KRT20: variants seen among roughly 807,000 people sequenced by gnomAD.
KRT20 encodes keratin, type I cytoskeletal 20.
In KRT20, 41 loss-of-function variants were observed where a neutral mutation model predicts 43.0. That is an observed-to-expected ratio of 0.95 (90% CI 0.74 to 1.24). KRT20 has a LOEUF of 1.24. KRT20 is among the 50% of genes most tolerant of loss of function. KRT20 has a pLI of 0.00. For missense variants in KRT20, 533 were observed against 521.2 expected, an observed-to-expected ratio of 1.02 and a Z score of -0.22; for synonymous variants, 207 against 200.6, an observed-to-expected ratio of 1.03 and a Z score of -0.27.
chr17:40,879,444 A>G (rs982614293), intron 5 of KRT20, among the ~76,000 whole-genome samples: 5 of 152,130 alleles, frequency 3.3e-5, no homozygotes, highest in African/African-American at 1.2e-4. Context: ...AAAATAACCA[A>G]TGGGTATTAG....
Position 40,878,174 on chromosome 17 carries a change from G to T in KRT20, c.1110C>A (p.Tyr370Ter). 1 of 1,614,042 alleles carries T rather than the reference G, an allele frequency of 6.2e-7. No homozygotes were observed. Among genetic ancestry groups the T allele is most frequent in the Non-Finnish European group, 8.5e-7 (1 of 1,179,996 alleles). Residue 370 changes from tyrosine to a stop codon, truncating the protein, a stop_gained, in exon 6 of 8, where the codon TAC becomes TAA. Coordinates refer to ENST00000167588, the MANE Select transcript of KRT20 (RefSeq NM_019010.3). LOFTEE classifies it high-confidence loss of function. ...KTRLEQEIAT[Y>*]RRLLEGEDVK... Reference sequence around the variant, plus strand: ...CGTCTTCTCCTTCCAGAAGGCGGCGGTAAGTAGCAATTTCCTGTTCAAGTC... The same window carrying T: ...CGTCTTCTCCTTCCAGAAGGCGGCGTTAAGTAGCAATTTCCTGTTCAAGTC...
In KRT20 at chr17:40,876,121, G is replaced by A; in HGVS notation, c.*240C>T. On this transcript the variant is annotated 3_prime_UTR_variant, in exon 8 of 8. Coordinates refer to ENST00000167588, the MANE Select transcript of KRT20 (RefSeq NM_019010.3). The stretch of plus-strand genomic sequence containing the variant: ...TCATGATAAAGATGGCAGTAATGAT[G>A]TTTTAAATATTCTAGTGCTCACTGG... The A allele has an allele frequency of 2.5e-6, 1 of 392,768 alleles. No individual in the cohort carries two copies. The highest frequency in any genetic ancestry group is 3.7e-5 in the East Asian group (1 of 27,316). The allele number at this position is 392,768 out of a possible 1,614,324, so 24.3% of individuals were successfully genotyped here.
chr17:40,883,302 G>A (rs1038974230), intron 1 of KRT20, among the ~76,000 whole-genome samples: 1 of 152,048 alleles, frequency 6.6e-6, no homozygotes, highest in African/African-American at 2.4e-5. Context: ...ATTTCTTTTA[G>A]CCCCTGTGGT....
At chr17:40,878,712 G>C (rs1907458830) in intron 5 of KRT20, among the ~76,000 whole-genome samples, 1 of 152,152 alleles carries the variant, frequency 6.6e-6, no homozygotes, top group Admixed American at 6.5e-5. Flanking sequence ...TCAATTGCAG[G>C]ATTAGATTCC....
chr17:40,879,940 T>C lies in KRT20; in HGVS notation c.793-2A>G. On this transcript the variant is annotated splice_acceptor_variant, in intron 4 of 7. Coordinates refer to ENST00000167588, the MANE Select transcript of KRT20 (RefSeq NM_019010.3). LOFTEE classifies it high-confidence loss of function. ...GACCTGTTGCTGCAGAACTGCAGTC[T>C]ACAGTGCCAAGAGTGAAAAAAAAAT... The C allele has an allele frequency of 6.2e-7, 1 of 1,613,614 alleles. No individual in the cohort carries two copies. The highest frequency in any genetic ancestry group is 8.5e-7 in the Non-Finnish European group (1 of 1,179,928).
Position 40,878,223 on chromosome 17 carries a change from T to C in KRT20, c.1061A>G (p.His354Arg), listed in dbSNP as rs770657645. The change falls in exon 6 of 8, where the codon CAT becomes CGT. Residue 354 changes from histidine to arginine, a missense_variant. Physicochemically the swap from His to Arg is conservative, Grantham distance 29 (BLOSUM62 0). Transcript: ENST00000167588. ...SNMERQNNEY[H>R]ILLDIKTRLE... ...TCGAGTCTTTATGTCAAGAAGGATA[T>C]GGTATTCGTTGTTCTGGCGTTCCAT... is the stretch of plus-strand genomic sequence containing the variant. 8.7e-6 allele frequency: 14 copies of C among 1,614,076 alleles called. No homozygotes were observed. The highest frequency in any genetic ancestry group is 3.3e-5 in the South Asian group (3 of 91,070).
At chr17:40,878,104 TACAGATATTG>T (rs1907424373) in intron 6 of KRT20, 31 bp downstream of exon 6, 3 of 1,499,808 alleles carry the variant, frequency 2.0e-6, no homozygotes, top group Non-Finnish European at 2.8e-6. Flanking sequence ...TAGAAGTGCA[TACAGATATTG>T]ACACCTATTC....
chr17:40,881,454 C>T (rs56954294), intron 2 of KRT20, among the ~76,000 whole-genome samples: 12,204 of 152,052 alleles, frequency 0.08, 524 homozygotes, highest in Admixed American at 0.11. Flanking sequence ...GGTTTTGCCA[C>T]GTTGCCCAAG....
chr17:40,876,500 A>G, intron 7 of KRT20, 42 bp from the exon 8 acceptor site: 1 of 1,136,576 alleles, frequency 8.8e-7, no homozygotes, highest in Non-Finnish European at 1.3e-6. Flanking sequence ...CAGGCACATG[A>G]CTCTGCTGAT....
At position 40,880,839 on chromosome 17, in the gene KRT20, A is replaced by G. The variant is rs1907565432; in HGVS notation, c.474-69T>C. Reference sequence around the variant, plus strand: ...CCATTATAAGGAGAGAATCTAATATAATGGGATAGGTTTTTAAATGTGGCT... The same window carrying G: ...CCATTATAAGGAGAGAATCTAATATGATGGGATAGGTTTTTAAATGTGGCT... On this transcript the variant is annotated intron_variant, in intron 2 of 7. Coordinates refer to ENST00000167588, the MANE Select transcript of KRT20 (RefSeq NM_019010.3). 3.2e-6 allele frequency: 4 copies of G among 1,243,156 alleles called. No homozygotes were observed. In the Admixed American group the frequency reaches 8.0e-5, roughly 25 times the overall value. 77.0% of individuals were successfully genotyped at this position (1,243,156 alleles called of 1,614,324 possible). A position where few individuals can be genotyped will look rare whatever the true frequency, so the allele number is the denominator to read the frequency against.
At chr17:40,878,697 A>C (rs1907458486) in intron 5 of KRT20, among the ~76,000 whole-genome samples, 2 of 152,102 alleles carry the variant, frequency 1.3e-5, no homozygotes, top group Admixed American at 6.5e-5. Context: ...GATCTGTGGC[A>C]TTTCTCAATT....
chr17:40,878,426 A>C (rs1231553162), intron 5 of KRT20, 61 bp from the exon 6 acceptor site: 53 of 1,238,836 alleles, frequency 4.3e-5, no homozygotes, highest in Non-Finnish European at 6.1e-5. Flanking sequence ...GAGATGGGTT[A>C]ATTTTAATTT....
At chr17:40,878,695 G>A (rs1281540298) in intron 5 of KRT20, among the ~76,000 whole-genome samples, 1 of 152,158 alleles carries the variant, frequency 6.6e-6, no homozygotes, top group Non-Finnish European at 1.5e-5. Context: ...GTGATCTGTG[G>A]CATTTCTCAA....
intron 1 of KRT20, 32 bp from the exon 2 acceptor site, chr17:40,882,686 C>CTTTTT: frequency 2.9e-6 from 2 of 690,014 alleles, no homozygotes; most frequent in Non-Finnish European, 4.2e-6. Flanking sequence ...ATGACATTTT[C>CTTTTT]TTTTTTATTT....
Position 40,880,239 on chromosome 17 carries a change from T to A in KRT20, c.653A>T (p.His218Leu). ...CTCCACATTGACAGTGTTGCCCAGATGCTTGTGTAGGCCATCGACTTCCTA... is the reference window on the plus strand; with the variant it reads ...CTCCACATTGACAGTGTTGCCCAGAAGCTTGTGTAGGCCATCGACTTCCTA... ...HQEEVDGLHK[H>L]LGNTVNVEVD... Residue 218 changes from histidine to leucine, a missense_variant, in exon 4 of 8, where the codon CAT becomes CTT. His to Leu is a moderately conservative substitution (Grantham distance 99). Coordinates refer to ENST00000167588, the MANE Select transcript of KRT20 (RefSeq NM_019010.3). 6.2e-7 allele frequency: 1 copy of A among 1,607,766 alleles called. No individual in the cohort carries two copies. Among genetic ancestry groups the A allele is most frequent in the Non-Finnish European group, 8.5e-7 (1 of 1,177,282 alleles).
intron 6 of KRT20, 74 bp from the exon 7 acceptor site, chr17:40,877,491 C>A (rs1907400723): frequency 1.2e-6 from 1 of 859,612 alleles, no homozygotes; most frequent in African/African-American, 1.8e-5. Context: ...AAATGGAATG[C>A]ACTCCTGTCT....
At chr17:40,881,743 G>A (rs1471556916) in intron 2 of KRT20, among the ~76,000 whole-genome samples, 1 of 152,202 alleles carries the variant, frequency 6.6e-6, no homozygotes, top group Non-Finnish European at 1.5e-5. Context: ...TGGTGTTAAT[G>A]CATTGTACAA....
chr17:40,878,950 C>T (rs1416423219), intron 5 of KRT20, among the ~76,000 whole-genome samples: 1 of 152,090 alleles, frequency 6.6e-6, no homozygotes, highest in African/African-American at 2.4e-5. Context: ...TACAGGCACA[C>T]ACCACCATGC....
intron 2 of KRT20, chr17:40,882,319 A>C (rs1299151970): frequency 9.2e-6 from 2 of 216,222 alleles, no homozygotes; most frequent in African/African-American, 2.3e-5. Flanking sequence ...AAAATTTAGC[A>C]ACCAGTAATA....
Sources: allele counts gnomAD v4.1 joint callset (sites outside exome capture counted in the v4.1 genomes callset), GRCh38; gene constraint gnomAD v4.1.1; transcripts MANE v1.5; gene names NCBI Gene and HGNC (gene_info 2026-07-23, HGNC 2026-07-21).